Variants in NPHP4 observed in about 807,000 individuals in gnomAD.
The protein encoded by NPHP4 is nephrocystin-4.
Under a neutral mutation model 155.8 loss-of-function variants are expected in NPHP4, and 151 were observed. The observed-to-expected ratio is 0.97, with a 90% CI of 0.85 to 1.11. The LOEUF (loss-of-function observed/expected upper bound fraction) is 1.11, where lower values mean the gene tolerates loss of function less well. NPHP4 is among the 50% of genes least tolerant of loss of function. The pLI is 0.00. For synonymous variants in NPHP4, 845 were observed against 816.8 expected (o/e 1.03, Z -0.59); for missense variants, 1,956 against 1,925.7 (o/e 1.02, Z -0.29).
intron 10 of NPHP4, among the ~76,000 whole-genome samples, chr1:5,928,038 A>T (rs1646099825): frequency 6.6e-6 from 1 of 152,132 alleles, no homozygotes; most frequent in South Asian, 2.1e-4. Flanking sequence ...ATCTCTCTCG[A>T]GTTGTGAATG....
rs1478867902 is a variant in NPHP4 at position 5,867,367 on chromosome 1, A to G, written c.3473-252T>C. The G allele has an allele frequency of 3.7e-6, 2 of 547,188 alleles. No homozygotes were observed. The highest frequency in any genetic ancestry group is 6.7e-5 in the Admixed American group (2 of 29,726). 33.9% of individuals were successfully genotyped at this position (547,188 alleles called of 1,614,324 possible). A position where few individuals can be genotyped will look rare whatever the true frequency, so the allele number is the denominator to read the frequency against. On this transcript the variant is annotated intron_variant, in intron 24 of 29. Transcript: ENST00000378156. The surrounding 1 kb of genome is among the most constrained non-coding windows in gnomAD (Gnocchi z 4.1). ...TCCACAGGGAATAATCGAGGGGGCC[A>G]CAAAAAAGAAAACACAGCTCCCTGG... is the stretch of plus-strand genomic sequence containing the variant.
Position 5,887,062 on chromosome 1 carries a change from T to C in NPHP4, c.2485+224A>G, listed in dbSNP as rs1044839040. On this transcript the variant is annotated intron_variant, in intron 18 of 29. Coordinates refer to ENST00000378156, the MANE Select transcript of NPHP4 (RefSeq NM_015102.5). The stretch of plus-strand genomic sequence containing the variant: ...AACATGCAGGAGAGCCCGAGATGAC[T>C]GATGACCTCTAACCCCAATCAGAAA... 3 of 536,614 alleles carry C rather than the reference T, an allele frequency of 5.6e-6. No homozygotes were observed. The African/African-American group carries it at 5.7e-5, about 10-fold the overall frequency. 33.2% of individuals were successfully genotyped at this position (536,614 alleles called of 1,614,324 possible). A position where few individuals can be genotyped will look rare whatever the true frequency, so the allele number is the denominator to read the frequency against.
At chr1:5,887,141 C>A (rs545560484) in intron 18 of NPHP4, 145 bp downstream of exon 18, 193 of 757,608 alleles carry the variant, frequency 2.5e-4, no homozygotes, top group Non-Finnish European at 3.8e-4. Flanking sequence ...AGGACACAGG[C>A]TCCATGGCCA....
intron 29 of NPHP4, 31 bp downstream of exon 29, chr1:5,863,859 C>T: frequency 6.2e-7 from 1 of 1,612,292 alleles, no homozygotes; most frequent in Non-Finnish European, 8.5e-7. Context: ...CGGGTCTTCC[C>T]CTAGGAGTCC....
Position 5,874,914 on chromosome 1 carries a change from G to A in NPHP4, c.3004C>T (p.Gln1002Ter). The change falls in exon 21 of 30, where the codon CAG (glutamine) becomes TAG (stop). Residue 1002 changes from glutamine to a stop codon, truncating the protein, a stop_gained. Transcript: ENST00000378156. LOFTEE classifies it high-confidence loss of function. ...EFVLKNPHNTQHTVTVEIDNP... is the reference protein window; with the variant it reads ...EFVLKNPHNT ...TCGATCTCCACAGTCACCGTGTGCT[G>A]TGTGTTGTGGGGGTTCTTAAGCACA... The A allele has an allele frequency of 6.2e-7, 1 of 1,613,862 alleles. No homozygotes were observed. The highest frequency in any genetic ancestry group is 1.3e-5 in the African/African-American group (1 of 75,050).
chr1:5,906,361 G>C (rs1425236546), intron 13 of NPHP4, among the ~76,000 whole-genome samples: 1 of 152,242 alleles, frequency 6.6e-6, no homozygotes, highest in African/African-American at 2.4e-5. Flanking sequence ...TGGCTTGGGA[G>C]TTGGGAATGT....
intron 18 of NPHP4, among the ~76,000 whole-genome samples, chr1:5,884,354 C>G (rs374260730): frequency 6.6e-6 from 1 of 152,206 alleles, no homozygotes; most frequent in Non-Finnish European, 1.5e-5. Context: ...GACGCTTAGC[C>G]TGTGGGGCCA....
Position 5,950,207 on chromosome 1 carries a change from T to C in NPHP4, c.811-1956A>G, listed in dbSNP as rs557164377. Among the ~76,000 whole-genome samples the C allele has an allele frequency of 2.0e-5, 3 of 152,270 alleles. No homozygotes were observed. In the South Asian group the frequency reaches 6.2e-4, roughly 32 times the overall value. On this transcript the variant is annotated intron_variant, in intron 7 of 29. Transcript: ENST00000378156. ...AAAAATGTTCTCTGGGACTTTCAAG[T>C]GAACATGAGGGACACTTCCTCAGAG... is the stretch of plus-strand genomic sequence containing the variant.
intron 11 of NPHP4, among the ~76,000 whole-genome samples, chr1:5,916,205 GTGA>G (rs566471853): frequency 6.6e-6 from 1 of 152,176 alleles, no homozygotes; most frequent in South Asian, 2.1e-4. Context: ...TCTGTGGTAA[GTGA>G]TGAATGAAAC....
rs114392519 is a variant in NPHP4 at position 5,959,852 on chromosome 1, G to A, written c.673+1942C>T. Among the ~76,000 whole-genome samples the A allele has an allele frequency of 3.2e-3, 493 of 152,192 alleles. 1 individual carries two copies. The highest frequency in any genetic ancestry group is 0.011 in the African/African-American group (463 of 41,490). The stretch of plus-strand genomic sequence containing the variant: ...GCTAGTCCCAAGATTAGTATCAACC[G>A]GGTGACATCTGAAAGCTAGTTCTGA... On this transcript the variant is annotated intron_variant, in intron 6 of 29. Transcript: ENST00000378156.
chr1:5,931,168 T>C (rs1646251652), intron 10 of NPHP4, among the ~76,000 whole-genome samples: 1 of 152,186 alleles, frequency 6.6e-6, no homozygotes, highest in Non-Finnish European at 1.5e-5. Context: ...GTATACTTCT[T>C]ATAGACAGTA....
At chr1:5,988,230 G>C (rs949142420) in intron 1 of NPHP4, among the ~76,000 whole-genome samples, 1 of 152,208 alleles carries the variant, frequency 6.6e-6, no homozygotes, top group Non-Finnish European at 1.5e-5. Context: ...ACTTCTGCTC[G>C]TAGGGTTTCA....
intron 3 of NPHP4, among the ~76,000 whole-genome samples, chr1:5,975,796 G>A (rs11586352): frequency 0.17 from 26,184 of 152,186 alleles, 2,364 homozygotes; most frequent in African/African-American, 0.22. Context: ...GGAAGCCCTC[G>A]GAGTGCATGA....
chr1:5,964,941 A>ATATATATATATATT, intron 5 of NPHP4, among the ~76,000 whole-genome samples: 1 of 59,426 alleles, frequency 1.7e-5, no homozygotes, highest in Admixed American at 2.3e-4. Context: ...ATATATATAT[A>ATATATATATATATT]TTTTTTTTTT....
At position 5,927,796 on chromosome 1, in the gene NPHP4, G is replaced by A. The variant is rs1646085832; in HGVS notation, c.1303-9C>T. ...GACTCCACCTGCTTCACCTGCAATG[G>A]ACCAGAAGAGCAGTGATGGCCACTC... On this transcript the variant is annotated splice_polypyrimidine_tract_variant and intron_variant, in intron 10 of 29. Coordinates refer to ENST00000378156, the MANE Select transcript of NPHP4 (RefSeq NM_015102.5). 1.2e-6 allele frequency: 2 copies of A among 1,605,718 alleles called. No homozygotes were observed. Among genetic ancestry groups the A allele is most frequent in the African/African-American group, 1.3e-5 (1 of 74,760 alleles).
chr1:5,952,805 C>A lies in NPHP4; in HGVS notation c.705G>T (p.Lys235Asn), dbSNP rs1296596402. ...AGTCATCCAAGTGCCCCGTGATGGGCTTCTGGAGGCGAGGCTTTCGGAGAG... is the reference window on the plus strand; with the variant it reads ...AGTCATCCAAGTGCCCCGTGATGGGATTCTGGAGGCGAGGCTTTCGGAGAG... ...GDALRKPRLQ[K>N]PITGHLDDLF... The change falls in exon 7 of 30, where the codon AAG (lysine) becomes AAT (asparagine). Residue 235 changes from lysine to asparagine, a missense_variant. Physicochemically the swap from Lys to Asn is moderately conservative, Grantham distance 94. Transcript: ENST00000378156. The A allele has an allele frequency of 1.3e-6, 2 of 1,599,550 alleles. No individual in the cohort carries two copies. The highest frequency in any genetic ancestry group is 1.7e-6 in the Non-Finnish European group (2 of 1,173,204).
At chr1:5,917,147 C>A (rs1051476028) in intron 11 of NPHP4, among the ~76,000 whole-genome samples, 8 of 152,140 alleles carry the variant, frequency 5.3e-5, no homozygotes, top group East Asian at 3.9e-4. Flanking sequence ...AATCACCCTC[C>A]CAGCCCTTAA....
chr1:5,920,588 G>A (rs79146873), intron 11 of NPHP4, among the ~76,000 whole-genome samples: 6 of 152,252 alleles, frequency 3.9e-5, no homozygotes, highest in East Asian at 1.9e-4. Flanking sequence ...TCTGCTCCAC[G>A]CCAGGCAGCC....
At chr1:5,935,866 C>A (rs1570518885) in intron 9 of NPHP4, among the ~76,000 whole-genome samples, 1 of 152,150 alleles carries the variant, frequency 6.6e-6, no homozygotes, top group East Asian at 1.9e-4. Flanking sequence ...CAGAGTGAGA[C>A]TCCATCTCAA....
Sources: allele counts gnomAD v4.1 joint callset (sites outside exome capture counted in the v4.1 genomes callset), GRCh38; gene constraint gnomAD v4.1.1; non-coding constraint Gnocchi (gnomAD v3.1); transcripts MANE v1.5; gene names NCBI Gene and HGNC (gene_info 2026-07-23, HGNC 2026-07-21).